NSD2: variants seen among roughly 807,000 people sequenced by gnomAD.
NSD2 encodes histone-lysine N-methyltransferase NSD2.
In NSD2, 12 loss-of-function variants were observed where a neutral mutation model predicts 139.0. The observed-to-expected ratio is 0.09, with a 90% confidence interval of 0.06 to 0.14. The LOEUF (loss-of-function observed/expected upper bound fraction) is 0.14. Among genes scored for constraint, NSD2 ranks in the 10% least tolerant of loss-of-function variants. The pLI is 1.00. For synonymous variants in NSD2, 669 were observed against 648.7 expected, an observed-to-expected ratio of 1.03 and a Z score of -0.48; for missense variants, 1,155 against 1,745.0, an observed-to-expected ratio of 0.66 and a Z score of 6.02.
At chr4:1,917,069 C>G (rs1577431625) in intron 4 of NSD2, 32 bp downstream of exon 4, 1 of 1,527,058 alleles carries the variant, frequency 6.5e-7, no homozygotes, top group Non-Finnish European at 8.8e-7. Context: ...TACTTTTAGA[C>G]CAGAAATTTA....
At chr4:1,910,513 T>C (rs1467761835) in intron 3 of NSD2, among the ~76,000 whole-genome samples, 1 of 152,242 alleles carries the variant, frequency 6.6e-6, no homozygotes, top group Non-Finnish European at 1.5e-5. Context: ...CTGGTCTCTT[T>C]AGGTAACTGT....
intron 1 of NSD2, among the ~76,000 whole-genome samples, chr4:1,874,484 T>G (rs1039048157): frequency 2.0e-5 from 3 of 152,148 alleles, no homozygotes; most frequent in African/African-American, 7.2e-5. Context: ...GCTGGTGCAT[T>G]CTCATGGCAT....
At chr4:1,940,840 C>T (rs962525909) in intron 9 of NSD2, 5 of 1,057,262 alleles carry the variant, frequency 4.7e-6, no homozygotes, top group Non-Finnish European at 4.6e-6. Flanking sequence ...GCAGGAAGGT[C>T]AGGGACCTAG....
chr4:1,904,246 A>T lies in NSD2; in HGVS notation c.628A>T (p.Thr210Ser). Residue 210 changes from threonine (T) to serine (S), a missense_variant, in exon 3 of 22, where the codon ACT becomes TCT. Physicochemically the swap from Thr to Ser is moderately conservative, Grantham distance 58. Coordinates refer to ENST00000508803, the MANE Select transcript of NSD2 (RefSeq NM_001042424.3). ...IPAKKESCPN[T>S]GRDKDHLLKY... ...AGCTAAGAAAGAGTCTTGTCCAAAC[A>T]CTGGAAGAGACAAAGACCACCTGTT... The T allele has an allele frequency of 6.2e-7, 1 of 1,614,016 alleles. No individual in the cohort carries two copies. The highest frequency in any genetic ancestry group is 1.1e-5 in the South Asian group (1 of 91,042).
intron 5 of NSD2, among the ~76,000 whole-genome samples, chr4:1,930,306 G>A (rs890929679): frequency 6.6e-6 from 1 of 152,300 alleles, no homozygotes; most frequent in South Asian, 2.1e-4. Flanking sequence ...TTTCAGGGGT[G>A]CCTAGAGGCT....
chr4:1,918,434 C>T lies in NSD2; in HGVS notation c.1221C>T (p.Ser407=), dbSNP rs778149587. 1.2e-6 allele frequency: 2 copies of T among 1,614,070 alleles called. No individual in the cohort carries two copies. The highest frequency in any genetic ancestry group is 3.3e-5 in the Admixed American group (2 of 60,008). Reference sequence around the variant, plus strand: ...GAAGGCGGAGGGCCAAACTGTGTAGCTCTGCAGAGACCCTGGAGAGTCACC... The same window carrying T: ...GAAGGCGGAGGGCCAAACTGTGTAGTTCTGCAGAGACCCTGGAGAGTCACC... The part of the protein sequence containing the change: ...MKRRRRAKLC[S]SAETLESHPD... The change falls in exon 5 of 22, where the codon AGC becomes AGT. Residue 407 remains serine, a synonymous_variant. Transcript: ENST00000508803.
At chr4:1,888,844 G>A (rs1715316173) in intron 1 of NSD2, among the ~76,000 whole-genome samples, 1 of 151,828 alleles carries the variant, frequency 6.6e-6, no homozygotes, top group African/African-American at 2.4e-5. Context: ...GGGATTACAG[G>A]CGTGAGCCAC....
At chr4:1,926,267 G>T (rs1720903939) in intron 5 of NSD2, among the ~76,000 whole-genome samples, 1 of 148,708 alleles carries the variant, frequency 6.7e-6, no homozygotes, top group Admixed American at 6.8e-5. Flanking sequence ...CGATTCTCCT[G>T]ACTCAGCCTC....
intron 5 of NSD2, among the ~76,000 whole-genome samples, chr4:1,923,354 G>A (rs1407048550): frequency 6.6e-6 from 1 of 151,772 alleles, no homozygotes; most frequent in Non-Finnish European, 1.5e-5. Flanking sequence ...ATGTGTCAAG[G>A]ACACCATCGA....
intron 5 of NSD2, among the ~76,000 whole-genome samples, chr4:1,922,322 G>T (rs1720256918): frequency 6.6e-6 from 1 of 152,100 alleles, no homozygotes. Flanking sequence ...TGTTAAAAAA[G>T]ATACCATTGA....
At chr4:1,871,847 C>T (rs1157842494) in intron 1 of NSD2, among the ~76,000 whole-genome samples, 1 of 145,642 alleles carries the variant, frequency 6.9e-6, no homozygotes, top group Admixed American at 6.8e-5. Flanking sequence ...GGGGCGGCGG[C>T]CTGCGGGCGG....
chr4:1,894,690 A>T (rs1201726684), intron 1 of NSD2, among the ~76,000 whole-genome samples: 1 of 151,856 alleles, frequency 6.6e-6, no homozygotes, highest in Non-Finnish European at 1.5e-5. Flanking sequence ...AAAAAAAAAA[A>T]ATGAAAAGAA....
At chr4:1,945,690 G>T (rs1341187315) in intron 9 of NSD2, 2 of 1,063,286 alleles carry the variant, frequency 1.9e-6, no homozygotes, top group East Asian at 5.0e-5. Flanking sequence ...AAAGTCCTTG[G>T]CTCGTTTGAT....
intron 11 of NSD2, chr4:1,952,939 A>G: frequency 5.6e-6 from 8 of 1,422,510 alleles, no homozygotes; most frequent in Non-Finnish European, 6.4e-6. Context: ...CACTTATGGG[A>G]GTGTCTGTCT....
At chr4:1,898,677 A>AAAC (rs1716744232) in intron 1 of NSD2, among the ~76,000 whole-genome samples, 1 of 149,934 alleles carries the variant, frequency 6.7e-6, no homozygotes, top group African/African-American at 2.4e-5. Context: ...AAAAACAAAA[A>AAAC]ACAAAAAACA....
At chr4:1,881,677 A>G (rs1433655324) in intron 1 of NSD2, among the ~76,000 whole-genome samples, 4 of 152,228 alleles carry the variant, frequency 2.6e-5, no homozygotes, top group African/African-American at 7.2e-5. Flanking sequence ...GAATACAAGT[A>G]TGAGCCACCC....
In NSD2 at chr4:1,927,719, G is replaced by GAAA. The variant is rs1177170379; in HGVS notation, c.1411-2879_1411-2877dup. On this transcript the variant is annotated intron_variant, in intron 5 of 21. Coordinates refer to ENST00000508803, the MANE Select transcript of NSD2 (RefSeq NM_001042424.3). The stretch of plus-strand genomic sequence containing the variant: ...GGGCCACAATGAGACTCTTATCTCA[G>GAAA]AAAAAAAAAAAAAAAAAAAAAAAAA... Among the ~76,000 whole-genome samples the GAAA allele has an allele frequency of 1.5e-3, 28 of 18,912 alleles. 8 individuals are homozygous for GAAA. In the East Asian group the frequency reaches 0.031, roughly 21 times the overall value. The allele number at this position is 18,912 out of a possible 152,430, so 12.4% of individuals were successfully genotyped here. A position where few individuals can be genotyped will look rare whatever the true frequency, so the allele number is the denominator to read the frequency against.
chr4:1,970,267 GC>G (rs1726319094), intron 18 of NSD2, among the ~76,000 whole-genome samples: 1 of 152,228 alleles, frequency 6.6e-6, no homozygotes, highest in African/African-American at 2.4e-5. Context: ...GAGAAATAGG[GC>G]CAAGTGGAGG....
intron 21 of NSD2, among the ~76,000 whole-genome samples, chr4:1,977,189 C>T (rs113032773): frequency 0.018 from 2,753 of 152,360 alleles, 46 homozygotes; most frequent in Non-Finnish European, 0.03. Context: ...CGCCGGTTGA[C>T]GAAGGAGCTG....
Sources: gnomAD v4.1 joint callset for allele counts (sites outside exome capture counted in the v4.1 genomes callset) on GRCh38, gnomAD v4.1.1 for gene constraint, MANE v1.5 for transcripts, NCBI Gene and HGNC (gene_info 2026-07-23, HGNC 2026-07-21) for gene names.